The following CCDC122 variants were observed in gnomAD, a reference collection of about 807,000 sequenced individuals.
The protein encoded by CCDC122 is coiled-coil domain containing 122.
Under a neutral mutation model 37.0 loss-of-function variants are expected in CCDC122, and 38 were observed. The observed-to-expected ratio is 1.03, with a 90% confidence interval of 0.79 to 1.35. The LOEUF is 1.35. CCDC122 is among the 40% of genes most tolerant of loss of function. The probability of loss-of-function intolerance (pLI) is 0.00; values close to 1 mark genes in which losing one functional copy is unlikely to be tolerated. For missense variants in CCDC122, 305 were observed against 310.0 expected (o/e 0.98, Z 0.12); for synonymous variants, 83 against 95.6 (o/e 0.87, Z 0.77).
intron 3 of CCDC122, among the ~76,000 whole-genome samples, chr13:43,826,810 T>C (rs1459599468): frequency 2.0e-5 from 3 of 152,176 alleles, no homozygotes; most frequent in Non-Finnish European, 4.4e-5. Context: ...AGGAAAGCTA[T>C]AAAGCATATC....
At chr13:43,851,803 G>T (rs984925817) in intron 6 of CCDC122, among the ~76,000 whole-genome samples, 1 of 152,086 alleles carries the variant, frequency 6.6e-6, no homozygotes, top group African/African-American at 2.4e-5. Flanking sequence ...ACAAAACTGG[G>T]GCCTGATACA....
intron 1 of CCDC122, among the ~76,000 whole-genome samples, chr13:43,876,709 G>A (rs963339295): frequency 6.6e-6 from 1 of 152,124 alleles, no homozygotes; most frequent in African/African-American, 2.4e-5. Context: ...TTGTGCTTTC[G>A]TAACTTAATA....
intron 6 of CCDC122, among the ~76,000 whole-genome samples, chr13:43,852,437 A>G (rs572938574): frequency 5.9e-5 from 9 of 152,272 alleles, no homozygotes; most frequent in African/African-American, 2.2e-4. Flanking sequence ...GAATAAAGAA[A>G]AAAAGAATGA....
At chr13:43,850,602 A>G (rs1466057600) in intron 6 of CCDC122, among the ~76,000 whole-genome samples, 1 of 152,342 alleles carries the variant, frequency 6.6e-6, no homozygotes, top group East Asian at 1.9e-4. Flanking sequence ...TGAAAAATAG[A>G]AAGCTAAAGT....
At chr13:43,861,093 T>G (rs1198678661) in intron 4 of CCDC122, among the ~76,000 whole-genome samples, 1 of 152,162 alleles carries the variant, frequency 6.6e-6, no homozygotes, top group Non-Finnish European at 1.5e-5. Context: ...TGCCCAAGTG[T>G]CTGGGGATTG....
intron 6 of CCDC122, among the ~76,000 whole-genome samples, chr13:43,838,613 A>G (rs1378841889): frequency 6.6e-6 from 1 of 152,202 alleles, no homozygotes; most frequent in Admixed American, 6.5e-5. Context: ...ACAGGTTCTT[A>G]GGCTCTCATT....
At chr13:43,873,004 A>T (rs1954496422) in intron 2 of CCDC122, among the ~76,000 whole-genome samples, 1 of 152,156 alleles carries the variant, frequency 6.6e-6, no homozygotes, top group South Asian at 2.1e-4. Context: ...TCAATGAACA[A>T]GTTCCGTCTT....
chr13:43,866,782 G>A (rs1253647884), intron 4 of CCDC122, among the ~76,000 whole-genome samples: 2 of 151,954 alleles, frequency 1.3e-5, no homozygotes, highest in African/African-American at 4.8e-5. Context: ...TTAATCTTAT[G>A]CCCTGCAATC....
chr13:43,865,857 TTTAAG>T (rs1197254731), intron 4 of CCDC122, among the ~76,000 whole-genome samples: 7 of 152,344 alleles, frequency 4.6e-5, no homozygotes, highest in Admixed American at 3.9e-4. Context: ...TTTTCTTTCC[TTTAAG>T]TTAAGAACTT....
At chr13:43,827,271 C>T (rs922445437) in intron 3 of CCDC122, among the ~76,000 whole-genome samples, 5 of 152,158 alleles carry the variant, frequency 3.3e-5, no homozygotes, top group African/African-American at 9.7e-5. Context: ...AATGTTCATA[C>T]ATTTTGGTGT....
intron 2 of CCDC122, 195 bp downstream of exon 2, chr13:43,874,647 C>A (rs955861172): frequency 6.6e-6 from 1 of 151,718 alleles, no homozygotes; most frequent in Non-Finnish European, 1.5e-5. Flanking sequence ...TTTTTTTTCC[C>A]CAGACTTCTG....
downstream of CCDC122, among the ~76,000 whole-genome samples, chr13:43,831,359 A>G (rs1418407844): frequency 6.6e-6 from 1 of 152,190 alleles, no homozygotes; most frequent in East Asian, 1.9e-4. Context: ...AGACAAAATA[A>G]CTAATGCAAA....
chr13:43,839,953 G>T (rs1953288313), intron 6 of CCDC122, among the ~76,000 whole-genome samples: 1 of 152,132 alleles, frequency 6.6e-6, no homozygotes, highest in African/African-American at 2.4e-5. Flanking sequence ...TAAATTTGAG[G>T]TACAGGAATT....
At chr13:43,822,164 T>C (rs985853733), downstream of CCDC122, among the ~76,000 whole-genome samples, 5 of 152,212 alleles carry the variant, frequency 3.3e-5, no homozygotes, top group African/African-American at 1.2e-4. Flanking sequence ...AGAAGGAACT[T>C]GAGCCCCAAG....
intron 3 of CCDC122, among the ~76,000 whole-genome samples, chr13:43,828,166 A>G (rs1472724443): frequency 6.6e-6 from 1 of 152,204 alleles, no homozygotes; most frequent in Non-Finnish European, 1.5e-5. Flanking sequence ...CAAAGAAGGT[A>G]ACTCAAGCAA....
At position 43,837,127 on chromosome 13, in the gene CCDC122, T is replaced by C. The variant is rs1953189756; in HGVS notation, c.*153A>G. The C allele has an allele frequency of 2.9e-6, 2 of 684,908 alleles. No homozygotes were observed. The highest frequency in any genetic ancestry group is 2.7e-5 in the East Asian group (1 of 36,916). 42.4% of individuals were successfully genotyped at this position (684,908 alleles called of 1,614,324 possible). On this transcript the variant is annotated 3_prime_UTR_variant, in exon 7 of 7. Coordinates refer to ENST00000444614, the MANE Select transcript of CCDC122 (RefSeq NM_144974.5). The stretch of plus-strand genomic sequence containing the variant: ...GAAGGCATTTTAACAAATCGATGAC[T>C]GATTTAAAAAAAACAACAACCGAAG...
At chr13:43,849,857 T>C (rs1953666646) in intron 6 of CCDC122, among the ~76,000 whole-genome samples, 1 of 152,186 alleles carries the variant, frequency 6.6e-6, no homozygotes, top group South Asian at 2.1e-4. Flanking sequence ...GAGTTTTAAC[T>C]GTGGAGCCAG....
At chr13:43,859,532 TC>T (rs1404225737) in intron 5 of CCDC122, 139 bp downstream of exon 5, 1 of 623,594 alleles carries the variant, frequency 1.6e-6, no homozygotes, top group East Asian at 3.3e-5. Flanking sequence ...CAAGTTTTTT[TC>T]AATTATGAAA....
At chr13:43,872,459 AG>A (rs1954482889) in intron 2 of CCDC122, among the ~76,000 whole-genome samples, 1 of 152,116 alleles carries the variant, frequency 6.6e-6, no homozygotes, top group Non-Finnish European at 1.5e-5. Flanking sequence ...ACATGCACCA[AG>A]TTATGTAGAT....
Sources: allele counts gnomAD v4.1 joint callset (sites outside exome capture counted in the v4.1 genomes callset), GRCh38; gene constraint gnomAD v4.1.1; transcripts MANE v1.5; gene names NCBI Gene and HGNC (gene_info 2026-07-23, HGNC 2026-07-21).